Variants in FHOD3 observed in about 807,000 individuals in gnomAD.
The protein encoded by FHOD3 is FH1/FH2 domain-containing protein 3.
In FHOD3, 90 loss-of-function variants were observed where a neutral mutation model predicts 173.0. The ratio of observed to expected loss-of-function variants is 0.52; its 90% CI spans 0.44 to 0.62. The LOEUF is 0.62. FHOD3 is among the 20% of genes least tolerant of loss of function. The pLI is 0.00. For missense variants in FHOD3, 1,945 were observed against 2,034.7 expected, an observed-to-expected ratio of 0.96 and a Z score of 0.85; for synonymous variants, 828 against 823.0, an observed-to-expected ratio of 1.01 and a Z score of -0.10.
intron 1 of FHOD3, among the ~76,000 whole-genome samples, chr18:36,327,660 A>G (rs572196947): frequency 6.6e-6 from 1 of 152,320 alleles, no homozygotes; most frequent in African/African-American, 2.4e-5. Context: ...CTCTTTCTCA[A>G]ATTGCGGTTT....
chr18:36,361,697 A>G (rs1050849552), intron 2 of FHOD3, among the ~76,000 whole-genome samples: 1 of 151,798 alleles, frequency 6.6e-6, no homozygotes, highest in Admixed American at 6.6e-5. Flanking sequence ...AAAAAAAAAA[A>G]AAAAGAAAAA....
At chr18:36,712,630 A>G (rs934794775) in intron 18 of FHOD3, among the ~76,000 whole-genome samples, 5 of 152,194 alleles carry the variant, frequency 3.3e-5, no homozygotes, top group Non-Finnish European at 5.9e-5. Flanking sequence ...CTGTGAGACA[A>G]TAAGACTCGA....
chr18:36,346,547 A>G (rs1015649673), intron 1 of FHOD3, among the ~76,000 whole-genome samples: 1 of 152,156 alleles, frequency 6.6e-6, no homozygotes, highest in Admixed American at 6.5e-5. Flanking sequence ...GGACACCACC[A>G]TATCCGATCA....
intron 27 of FHOD3, among the ~76,000 whole-genome samples, chr18:36,768,492 T>C (rs2043235407): frequency 6.6e-6 from 1 of 152,206 alleles, no homozygotes; most frequent in Non-Finnish European, 1.5e-5. Flanking sequence ...TGCACAGATT[T>C]GGATATACTT....
intron 20 of FHOD3, among the ~76,000 whole-genome samples, chr18:36,737,513 C>T (rs2041696787): frequency 6.6e-6 from 1 of 152,180 alleles, no homozygotes; most frequent in Admixed American, 6.5e-5. Flanking sequence ...AAGCAAGGAA[C>T]ACTGCCACCA....
chr18:36,516,921 G>A (rs1034919221), intron 5 of FHOD3, among the ~76,000 whole-genome samples: 5 of 152,188 alleles, frequency 3.3e-5, no homozygotes, highest in African/African-American at 1.2e-4. Context: ...GGAGAATCCA[G>A]GACTTTCCCA....
At chr18:36,539,757 T>C (rs1334845584) in intron 5 of FHOD3, among the ~76,000 whole-genome samples, 1 of 152,214 alleles carries the variant, frequency 6.6e-6, no homozygotes, top group African/African-American at 2.4e-5. Context: ...GAACCCATTA[T>C]GAGTATGATT....
intron 9 of FHOD3, among the ~76,000 whole-genome samples, chr18:36,616,438 A>G (rs2033207662): frequency 6.6e-6 from 1 of 152,054 alleles, no homozygotes; most frequent in South Asian, 2.1e-4. Context: ...TTCAGGGCAC[A>G]TTTTCTCTCC....
At chr18:36,395,316 C>A (rs574369076) in intron 3 of FHOD3, among the ~76,000 whole-genome samples, 118 of 133,638 alleles carry the variant, frequency 8.8e-4, no homozygotes, top group East Asian at 2.1e-3. Flanking sequence ...GACTCCGTCT[C>A]AAAAAAAAAA....
chr18:36,376,101 C>T (rs1475771027), intron 3 of FHOD3, among the ~76,000 whole-genome samples: 1 of 152,118 alleles, frequency 6.6e-6, no homozygotes, highest in Non-Finnish European at 1.5e-5. Flanking sequence ...ATCCTGTTTC[C>T]AGACACCAGA....
At chr18:36,465,410 C>G (rs766922004) in intron 3 of FHOD3, among the ~76,000 whole-genome samples, 3 of 152,128 alleles carry the variant, frequency 2.0e-5, no homozygotes, top group Admixed American at 6.5e-5. Context: ...ACCATGGGTC[C>G]GAAATGACCT....
intron 3 of FHOD3, among the ~76,000 whole-genome samples, chr18:36,386,303 T>C (rs541788267): frequency 6.6e-6 from 1 of 152,196 alleles, no homozygotes; most frequent in Admixed American, 6.5e-5. Flanking sequence ...GCATCCTGGG[T>C]ACATGGGCAT....
intron 24 of FHOD3, among the ~76,000 whole-genome samples, chr18:36,748,554 A>G (rs895349125): frequency 3.9e-5 from 6 of 152,228 alleles, no homozygotes; most frequent in South Asian, 2.1e-4. Flanking sequence ...TGGTGTGTCT[A>G]TTTCTTAAGC....
At chr18:36,602,043 G>C (rs1364654355) in intron 7 of FHOD3, among the ~76,000 whole-genome samples, 1 of 152,206 alleles carries the variant, frequency 6.6e-6, no homozygotes, top group African/African-American at 2.4e-5. Context: ...TGCATGCTTG[G>C]ACACTTCTCA....
intron 3 of FHOD3, among the ~76,000 whole-genome samples, chr18:36,453,933 T>A (rs2052014414): frequency 6.6e-6 from 1 of 152,216 alleles, no homozygotes; most frequent in African/African-American, 2.4e-5. Flanking sequence ...CAGGTCCTCT[T>A]ATACTGGTTT....
At chr18:36,636,302 G>T (rs1346900302) in intron 10 of FHOD3, among the ~76,000 whole-genome samples, 1 of 152,192 alleles carries the variant, frequency 6.6e-6, no homozygotes, top group Non-Finnish European at 1.5e-5. Context: ...AGATGGAGCA[G>T]GGGCTATCTA....
At chr18:36,704,609 T>A (rs1385181901) in intron 17 of FHOD3, among the ~76,000 whole-genome samples, 1 of 152,188 alleles carries the variant, frequency 6.6e-6, no homozygotes, top group African/African-American at 2.4e-5. Context: ...TGAAGATGCT[T>A]AGAGGCATTA....
At chr18:36,568,560 G>A (rs1027607316) in intron 5 of FHOD3, among the ~76,000 whole-genome samples, 36 of 150,346 alleles carry the variant, frequency 2.4e-4, no homozygotes, top group Non-Finnish European at 4.7e-4. Context: ...TTTGAGAACT[G>A]AACAAGATAG....
At chr18:36,640,213 C>T (rs1485083096) in intron 10 of FHOD3, among the ~76,000 whole-genome samples, 2 of 152,286 alleles carry the variant, frequency 1.3e-5, no homozygotes, top group Admixed American at 6.5e-5. Flanking sequence ...TGGGTTCTCA[C>T]CATGGAAACA....
Sources: gnomAD v4.1 joint callset for allele counts (sites outside exome capture counted in the v4.1 genomes callset) on GRCh38, gnomAD v4.1.1 for gene constraint, MANE v1.5 for transcripts, NCBI Gene and HGNC (gene_info 2026-07-23, HGNC 2026-07-21) for gene names.